The following TMEM18 variants were observed in gnomAD, a reference collection of about 807,000 sequenced individuals.
TMEM18 encodes transmembrane protein 18.
TMEM18 carries 14 observed loss-of-function variants against 17.4 expected under a neutral mutation model. That is an observed-to-expected ratio of 0.80 (90% CI 0.53 to 1.25). TMEM18 has a LOEUF of 1.25. Among genes scored for constraint, TMEM18 ranks in the 50% most tolerant of loss-of-function variants. TMEM18 has a pLI of 0.00. For synonymous variants in TMEM18, 86 were observed against 66.1 expected (o/e 1.30, Z -1.46); for missense variants, 187 against 172.1 (o/e 1.09, Z -0.48).
chr2:675,650 G>C lies in TMEM18; in HGVS notation c.58-20C>G. The C allele has an allele frequency of 6.2e-7, 1 of 1,611,876 alleles. No individual in the cohort carries two copies. Among genetic ancestry groups the C allele is most frequent in the Non-Finnish European group, 8.5e-7 (1 of 1,179,686 alleles). ...CGTCTGCTGTAGGAACACACCAGCAGACACTCACTGTCCTGCCACTCAAGG... is the reference window on the plus strand; with the variant it reads ...CGTCTGCTGTAGGAACACACCAGCACACACTCACTGTCCTGCCACTCAAGG... On this transcript the variant is annotated intron_variant, in intron 1 of 4. Coordinates refer to ENST00000281017, the MANE Select transcript of TMEM18 (RefSeq NM_152834.4).
Position 664,476 on chromosome 2 carries a change from A to G in TMEM18, c.*5104T>C, listed in dbSNP as rs570590702. Among the ~76,000 whole-genome samples the G allele has an allele frequency of 6.6e-6, 1 of 152,364 alleles. No homozygotes were observed. Among genetic ancestry groups the G allele is most frequent in the South Asian group, 2.1e-4 (1 of 4,832 alleles). On this transcript the variant is annotated 3_prime_UTR_variant, in exon 5 of 5. Coordinates refer to ENST00000281017, the MANE Select transcript of TMEM18 (RefSeq NM_152834.4). The stretch of plus-strand genomic sequence containing the variant: ...CCCATATTGCAAAACAAAGAAGAAT[A>G]CGAACAGATTATTCACTAAAAAAAT...
rs17042334 is a variant in TMEM18, at chr2:668,685, C to T, written c.*895G>A. The T allele has an allele frequency of 0.12, 18,773 of 152,262 alleles. 1,395 individuals carry two copies. Among genetic ancestry groups the T allele is most frequent in the South Asian group, 0.2 (952 of 4,818 alleles). 9.4% of individuals were successfully genotyped at this position (152,262 alleles called of 1,614,324 possible). On this transcript the variant is annotated 3_prime_UTR_variant, in exon 5 of 5. Coordinates refer to ENST00000281017, the MANE Select transcript of TMEM18 (RefSeq NM_152834.4). ...ACTACAGGTCCACATTTGACAGGAA[C>T]CAAGAGCCACTGGGCAGGAGCTATT...
chr2:669,667 C>A lies in TMEM18; in HGVS notation c.336G>T (p.Trp112Cys). Residue 112 changes from tryptophan to cysteine, a missense_variant, in exon 5 of 5, where the codon TGG becomes TGT. Coordinates refer to ENST00000281017, the MANE Select transcript of TMEM18 (RefSeq NM_152834.4). ...TCATCACATTCAAAGTCTTCCATAC[C>A]CACATAACCTAAACACAATTGTTTG... ...LVNAMIIVVM[W>C]VWKTLNVMTD... 6.2e-7 allele frequency: 1 copy of A among 1,614,108 alleles called. No homozygotes were observed. The highest frequency in any genetic ancestry group is 1.3e-5 in the African/African-American group (1 of 75,000).
intron 1 of TMEM18, 46 bp downstream of exon 1, chr2:677,243 T>C (rs1558183579): frequency 1.9e-6 from 3 of 1,585,374 alleles, no homozygotes; most frequent in East Asian, 2.3e-5. Flanking sequence ...CCTACGCCTC[T>C]CCGCCGTCCT....
rs1275118525 is a variant in TMEM18 at position 669,257 on chromosome 2, TTTTATA to T, written c.*317_*322del. 6 of 273,914 alleles carry T rather than the reference TTTTATA, an allele frequency of 2.2e-5. No homozygotes were observed. Among genetic ancestry groups the T allele is most frequent in the Non-Finnish European group, 4.1e-5 (6 of 146,496 alleles). 17.0% of individuals were successfully genotyped at this position (273,914 alleles called of 1,614,324 possible). On this transcript the variant is annotated 3_prime_UTR_variant, in exon 5 of 5. Coordinates refer to ENST00000281017, the MANE Select transcript of TMEM18 (RefSeq NM_152834.4). The stretch of plus-strand genomic sequence containing the variant: ...TGAGTTTCATATTTTATATTGTGTA[TTTTATA>T]TTTATAATTAGTACTAGTTACACAT...
At chr2:676,595 G>T in intron 1 of TMEM18, 1 of 1,550,522 alleles carries the variant, frequency 6.4e-7, no homozygotes, top group Middle Eastern at 1.7e-4. Flanking sequence ...AGGCACGGAG[G>T]TGAGGGGAGC....
intron 3 of TMEM18, chr2:670,925 C>A (rs2103090916): frequency 6.6e-6 from 1 of 152,472 alleles, no homozygotes; most frequent in Middle Eastern, 3.4e-3. Flanking sequence ...GGCTTAGGGA[C>A]CGCTGCATGT....
chr2:675,898 A>C, intron 1 of TMEM18: 1 of 1,464,122 alleles, frequency 6.8e-7, no homozygotes, highest in Non-Finnish European at 9.1e-7. Context: ...ACAGAACTGA[A>C]GGCATCTCTG....
rs1399090071 is a variant in TMEM18 at position 677,304 on chromosome 2, G to C, written c.42C>G (p.Ile14Met). The change falls in exon 1 of 5, where the codon ATC (isoleucine) becomes ATG (methionine). Residue 14 changes from isoleucine to methionine, a missense_variant. By Grantham distance (10) the Ile-to-Met change is conservative (BLOSUM62 1). Transcript: ENST00000281017. The stretch of plus-strand genomic sequence containing the variant: ...CGCGAGTTACCGTGAGCACGGCTGG[G>C]ATGCTGACGGGGAAAGAGCTGACAG... ...AFSVSSFPVSIPAVLTQTDWT... is the reference protein window; with the variant it reads ...AFSVSSFPVSMPAVLTQTDWT... 6.2e-7 allele frequency: 1 copy of C among 1,612,238 alleles called. No homozygotes were observed. Among genetic ancestry groups the C allele is most frequent in the Admixed American group, 1.7e-5 (1 of 59,988 alleles).
intron 1 of TMEM18, 38 bp from the exon 2 acceptor site, chr2:675,668 A>G: frequency 6.2e-7 from 1 of 1,610,020 alleles, no homozygotes; most frequent in Non-Finnish European, 8.5e-7. Flanking sequence ...CTGTCCTGCC[A>G]CTCAAGGCCG....
At chr2:676,571 C>T (rs1296900365) in intron 1 of TMEM18, 1 of 1,550,488 alleles carries the variant, frequency 6.4e-7, no homozygotes, top group Non-Finnish European at 8.7e-7. Flanking sequence ...TCAATGCACC[C>T]ACCAGAAGAC....
rs1469131576 is a variant in TMEM18, at chr2:677,287, A to G, written c.57+2T>C. ...CTGGTGGTTACGCGGGCCGCGAGTT[A>G]CCGTGAGCACGGCTGGGATGCTGAC... On this transcript the variant is annotated splice_donor_variant, in intron 1 of 4. Coordinates refer to ENST00000281017, the MANE Select transcript of TMEM18 (RefSeq NM_152834.4). LOFTEE classifies it high-confidence loss of function. 1 of 1,611,132 alleles carries G rather than the reference A, an allele frequency of 6.2e-7. No individual in the cohort carries two copies. The highest frequency in any genetic ancestry group is 1.1e-5 in the South Asian group (1 of 90,472).
chr2:676,508 C>T lies in TMEM18; in HGVS notation c.57+781G>A, dbSNP rs1659223940. 3 of 1,525,982 alleles carry T rather than the reference C, an allele frequency of 2.0e-6. 1 individual carries two copies. The highest frequency in any genetic ancestry group is 2.4e-5 in the South Asian group (2 of 82,690). 94.5% of individuals were successfully genotyped at this position (1,525,982 alleles called of 1,614,324 possible). ...CACTACTCTCTGCTGGGGACCGCAGCGGCTTCTCCAGAGCCGCGCCATGAC... is the reference window on the plus strand; with the variant it reads ...CACTACTCTCTGCTGGGGACCGCAGTGGCTTCTCCAGAGCCGCGCCATGAC... On this transcript the variant is annotated intron_variant, in intron 1 of 4. Transcript: ENST00000281017.
chr2:669,435 G>T lies in TMEM18; in HGVS notation c.*145C>A. On this transcript the variant is annotated 3_prime_UTR_variant, in exon 5 of 5. Transcript: ENST00000281017. Reference sequence around the variant, plus strand: ...GGCTGAAAAGCCAACTTCAGTGTGTGCCCTACCACTGTGGATATTTAAATA... The same window carrying T: ...GGCTGAAAAGCCAACTTCAGTGTGTTCCCTACCACTGTGGATATTTAAATA... 1.2e-6 allele frequency: 1 copy of T among 813,322 alleles called. No homozygotes were observed. Among genetic ancestry groups the T allele is most frequent in the Non-Finnish European group, 2.0e-6 (1 of 492,076 alleles). 50.4% of individuals were successfully genotyped at this position (813,322 alleles called of 1,614,324 possible). A position where few individuals can be genotyped will look rare whatever the true frequency, so the allele number is the denominator to read the frequency against.
At chr2:673,937 G>A (rs1021781726) in intron 2 of TMEM18, among the ~76,000 whole-genome samples, 2 of 152,028 alleles carry the variant, frequency 1.3e-5, no homozygotes, top group Non-Finnish European at 2.9e-5. Flanking sequence ...GGAGGAAGGC[G>A]GGCAGGGAGG....
chr2:667,357 T>C lies in TMEM18; in HGVS notation c.*2223A>G, dbSNP rs1678722266. On this transcript the variant is annotated 3_prime_UTR_variant, in exon 5 of 5. Coordinates refer to ENST00000281017, the MANE Select transcript of TMEM18 (RefSeq NM_152834.4). Reference sequence around the variant, plus strand: ...ACATATTATTAAAGATGTATTTTATTGCATAGCAATCGATAAACGTAAGGT... The same window carrying C: ...ACATATTATTAAAGATGTATTTTATCGCATAGCAATCGATAAACGTAAGGT... The C allele has an allele frequency of 6.6e-6, 1 of 152,248 alleles. No homozygotes were observed. Among genetic ancestry groups the C allele is most frequent in the Non-Finnish European group, 1.5e-5 (1 of 68,040 alleles). The allele number at this position is 152,248 out of a possible 1,614,324, so 9.4% of individuals were successfully genotyped here. A position where few individuals can be genotyped will look rare whatever the true frequency, so the allele number is the denominator to read the frequency against.
intron 3 of TMEM18, among the ~76,000 whole-genome samples, chr2:671,806 C>G (rs1678855169): frequency 8.2e-6 from 1 of 121,734 alleles, no homozygotes; most frequent in Non-Finnish European, 1.7e-5. Flanking sequence ...TGTGAAGGCC[C>G]TGCATCCGGG....
At chr2:676,594 G>A (rs1659226912) in intron 1 of TMEM18, 4 of 1,550,420 alleles carry the variant, frequency 2.6e-6, no homozygotes, top group South Asian at 1.2e-5. Context: ...GAGGCACGGA[G>A]GTGAGGGGAG....
At chr2:674,429 T>A (rs1358427730) in intron 2 of TMEM18, among the ~76,000 whole-genome samples, 1 of 152,182 alleles carries the variant, frequency 6.6e-6, no homozygotes, top group Admixed American at 6.5e-5. Context: ...AGGCCGCTCC[T>A]CCTGTTTCAC....
Sources: gnomAD v4.1 joint callset for allele counts (sites outside exome capture counted in the v4.1 genomes callset) on GRCh38, gnomAD v4.1.1 for gene constraint, MANE v1.5 for transcripts, NCBI Gene and HGNC (gene_info 2026-07-23, HGNC 2026-07-21) for gene names.